Variants in GRID2 observed in about 807,000 individuals in gnomAD.
The protein encoded by GRID2 is glutamate receptor ionotropic, delta-2.
In GRID2, 33 loss-of-function variants were observed where a neutral mutation model predicts 114.8. The observed-to-expected ratio is 0.29, with a 90% confidence interval of 0.22 to 0.38. GRID2 has a LOEUF of 0.38. GRID2 is among the 10% of genes least tolerant of loss of function. The pLI, the probability that GRID2 is intolerant of heterozygous loss-of-function variation, is 1.00. For synonymous variants in GRID2, 505 were observed against 449.9 expected, an observed-to-expected ratio of 1.12 and a Z score of -1.55; for missense variants, 1,184 against 1,257.7, an observed-to-expected ratio of 0.94 and a Z score of 0.89.
At chr4:92,959,172 T>A (rs538400795) in intron 2 of GRID2, among the ~76,000 whole-genome samples, 28 of 151,312 alleles carry the variant, frequency 1.9e-4, no homozygotes, top group African/African-American at 6.3e-4. Context: ...ATTGGCTTCC[T>A]GTTTTCTACT....
At chr4:93,421,618 T>C (rs902370929) in intron 9 of GRID2, among the ~76,000 whole-genome samples, 9 of 152,194 alleles carry the variant, frequency 5.9e-5, no homozygotes, top group African/African-American at 2.2e-4. Flanking sequence ...TTACATTGTT[T>C]TTTATCATTT....
intron 1 of GRID2, among the ~76,000 whole-genome samples, chr4:92,509,484 A>G (rs1428905786): frequency 6.6e-6 from 1 of 151,994 alleles, no homozygotes; most frequent in Non-Finnish European, 1.5e-5. Flanking sequence ...GGCAAAAAGG[A>G]TATATTAATG....
chr4:93,782,956 C>T (rs1246012320), intron 1 of GRID2, among the ~76,000 whole-genome samples: 1 of 151,896 alleles, frequency 6.6e-6, no homozygotes, highest in Admixed American at 6.6e-5. Context: ...GAATCACACA[C>T]TAATTATGTA....
intron 8 of GRID2, among the ~76,000 whole-genome samples, chr4:93,287,914 A>G (rs1753349521): frequency 6.6e-6 from 1 of 152,152 alleles, no homozygotes; most frequent in Non-Finnish European, 1.5e-5. Flanking sequence ...GTTTTGAGTA[A>G]ACAGTTGAAA....
chr4:93,196,541 T>A (rs1425793972), intron 4 of GRID2, among the ~76,000 whole-genome samples: 1 of 152,160 alleles, frequency 6.6e-6, no homozygotes, highest in Non-Finnish European at 1.5e-5. Flanking sequence ...AGTCCAAGGA[T>A]AACAGAAATA....
At chr4:92,486,389 T>C (rs1722888692) in intron 1 of GRID2, among the ~76,000 whole-genome samples, 1 of 151,874 alleles carries the variant, frequency 6.6e-6, no homozygotes, top group Admixed American at 6.6e-5. Flanking sequence ...TCCTTTCATA[T>C]ACTCCTTGTC....
intron 8 of GRID2, among the ~76,000 whole-genome samples, chr4:93,387,373 T>C (rs773329525): frequency 7.2e-5 from 11 of 152,112 alleles, no homozygotes; most frequent in Admixed American, 1.3e-4. Flanking sequence ...TTTTGAAAAA[T>C]GTTCCTTGGT....
At chr4:93,207,820 A>G (rs1392738972) in intron 5 of GRID2, among the ~76,000 whole-genome samples, 1 of 151,894 alleles carries the variant, frequency 6.6e-6, no homozygotes, top group East Asian at 1.9e-4. Flanking sequence ...TTGTTTCTAG[A>G]ACTGTTATGT....
chr4:93,400,716 T>G (rs922893001), intron 9 of GRID2, among the ~76,000 whole-genome samples: 2 of 152,116 alleles, frequency 1.3e-5, no homozygotes, highest in South Asian at 2.1e-4. Flanking sequence ...GCTCACTGAT[T>G]AGTAATTCTT....
chr4:93,729,795 G>C (rs746421516), intron 14 of GRID2, among the ~76,000 whole-genome samples: 13 of 152,234 alleles, frequency 8.5e-5, no homozygotes, highest in Middle Eastern at 3.4e-3. Context: ...AAACACCAAA[G>C]CTAAGTTAGG....
intron 8 of GRID2, among the ~76,000 whole-genome samples, chr4:93,367,873 G>A (rs529659642): frequency 9.9e-5 from 15 of 152,040 alleles, no homozygotes; most frequent in Non-Finnish European, 1.8e-4. Context: ...AATTATTTTT[G>A]TTATCTGTTG....
At chr4:93,405,636 A>G (rs1579974219) in intron 9 of GRID2, among the ~76,000 whole-genome samples, 1 of 152,304 alleles carries the variant, frequency 6.6e-6, no homozygotes, top group Non-Finnish European at 1.5e-5. Flanking sequence ...GACTTCCATA[A>G]TCAAATCAAT....
intron 8 of GRID2, among the ~76,000 whole-genome samples, chr4:93,242,063 A>G (rs1747586764): frequency 6.6e-6 from 1 of 151,896 alleles, no homozygotes; most frequent in Non-Finnish European, 1.5e-5. Context: ...CCAGGGTGAT[A>G]AGGGGTAGGG....
intron 13 of GRID2, among the ~76,000 whole-genome samples, chr4:93,617,375 C>T (rs1389291246): frequency 6.6e-6 from 1 of 152,134 alleles, no homozygotes; most frequent in Non-Finnish European, 1.5e-5. Context: ...GACACAGAAT[C>T]TTTTGATTGA....
chr4:92,454,423 GT>G (rs1721103116), intron 1 of GRID2, among the ~76,000 whole-genome samples: 1 of 152,114 alleles, frequency 6.6e-6, no homozygotes, highest in Non-Finnish European at 1.5e-5. Context: ...TATAAATACA[GT>G]TTTATTGATC....
At position 93,223,867 on chromosome 4, in the gene GRID2, A is replaced by T. The variant is rs140436735; in HGVS notation, c.964-747A>T. ...TGAAACTTAATTGTAAGAATACAGT[A>T]AAACCTTAGCAAAAAATTGGCTATA... On this transcript the variant is annotated intron_variant, in intron 6 of 15. Transcript: ENST00000282020. Among the ~76,000 whole-genome samples the T allele has an allele frequency of 8.9e-3, 1,362 of 152,274 alleles. 18 individuals carry two copies. Among genetic ancestry groups the T allele is most frequent in the African/African-American group, 0.031 (1,292 of 41,582 alleles).
At chr4:92,822,099 A>T (rs1424029940) in intron 2 of GRID2, 23 of 319,660 alleles carry the variant, frequency 7.2e-5, no homozygotes, top group Non-Finnish European at 1.2e-4. Flanking sequence ...CTTGCTGCAG[A>T]TTCCGATAAC....
At chr4:93,331,136 C>CCG (rs984980220) in intron 8 of GRID2, among the ~76,000 whole-genome samples, 1 of 147,066 alleles carries the variant, frequency 6.8e-6, no homozygotes, top group Non-Finnish European at 1.5e-5. Flanking sequence ...ACCCCCCCCC[C>CCG]ATTTCACTCA....
rs79692204 is a variant in GRID2 at position 93,176,820 on chromosome 4, C to A, written c.736-30584C>A. Among the ~76,000 whole-genome samples the A allele has an allele frequency of 4.2e-3, 637 of 152,234 alleles. 8 individuals are homozygous for A. Among genetic ancestry groups the A allele is most frequent in the African/African-American group, 0.015 (614 of 41,540 alleles). ...ACCTTTGCCTCTATGTTTATGTTAT[C>A]TCTGAAGTGGGAATATCTCATGTGT... On this transcript the variant is annotated intron_variant, in intron 4 of 15. Coordinates refer to ENST00000282020, the MANE Select transcript of GRID2 (RefSeq NM_001510.4).
Sources: gnomAD v4.1 joint callset for allele counts (sites outside exome capture counted in the v4.1 genomes callset) on GRCh38, gnomAD v4.1.1 for gene constraint, MANE v1.5 for transcripts, NCBI Gene and HGNC (gene_info 2026-07-23, HGNC 2026-07-21) for gene names.